The following SLC35D2 variants were observed in gnomAD, a reference collection of about 807,000 sequenced individuals.
The protein encoded by SLC35D2 is nucleotide sugar transporter SLC35D2.
In SLC35D2, 43 loss-of-function variants were observed where a neutral mutation model predicts 41.8. That is an observed-to-expected ratio of 1.03 (90% CI 0.81 to 1.33). The LOEUF (loss-of-function observed/expected upper bound fraction) is 1.33. Among genes scored for constraint, SLC35D2 ranks in the 40% most tolerant of loss-of-function variants. The pLI is 0.00. For missense variants in SLC35D2, 380 were observed against 408.4 expected, an observed-to-expected ratio of 0.93 and a Z score of 0.60; for synonymous variants, 150 against 163.9, an observed-to-expected ratio of 0.92 and a Z score of 0.65.
chr9:96,372,465 GA>G (rs1367176175), intron 1 of SLC35D2, among the ~76,000 whole-genome samples: 1 of 149,566 alleles, frequency 6.7e-6, no homozygotes, highest in African/African-American at 2.5e-5. Flanking sequence ...ATTGTGGGGA[GA>G]AAAGAAGAAA....
intron 1 of SLC35D2, among the ~76,000 whole-genome samples, chr9:96,373,093 T>A (rs904184288): frequency 1.3e-5 from 2 of 151,702 alleles, no homozygotes; most frequent in African/African-American, 4.8e-5. Flanking sequence ...AGAGATTGGG[T>A]TTCACCATGT....
chr9:96,352,094 G>A lies in SLC35D2; in HGVS notation c.363C>T (p.Thr121=), dbSNP rs529257968. Residue 121 remains threonine, a synonymous_variant, in exon 5 of 12, where the codon ACC becomes ACT. Coordinates refer to ENST00000253270, the MANE Select transcript of SLC35D2 (RefSeq NM_007001.3). ...GTGGAATGGTGAATTTCCTGAGCAC[G>A]GTGAACATCGGTAGGCTGCCAGGAA... ...STSKLSLPMF[T]VLRKFTIPLT... The A allele has an allele frequency of 1.2e-4, 188 of 1,611,438 alleles. 3 individuals are homozygous for A. The South Asian group carries it at 1.6e-3, about 14-fold the overall frequency.
At chr9:96,356,161 G>A (rs13296316) in intron 4 of SLC35D2, among the ~76,000 whole-genome samples, 8 of 152,274 alleles carry the variant, frequency 5.3e-5, no homozygotes, top group East Asian at 1.9e-4. Flanking sequence ...GGATCTCTGC[G>A]CGCACTGGCT....
At position 96,329,803 on chromosome 9, in the gene SLC35D2, G is replaced by A. The variant is rs917268911; in HGVS notation, c.753-5634C>T. ...GTGTTGTTAGGAATACAGTAAGAAGGAATGATATTTGGCTTCCTCAATAAA... is the reference window on the plus strand; with the variant it reads ...GTGTTGTTAGGAATACAGTAAGAAGAAATGATATTTGGCTTCCTCAATAAA... On this transcript the variant is annotated intron_variant, in intron 9 of 11. Transcript: ENST00000253270. 2.6e-5 allele frequency among the ~76,000 whole-genome samples: 4 copies of A among 152,246 alleles called. No individual in the cohort carries two copies. The East Asian group carries it at 7.7e-4, about 29-fold the overall frequency.
chr9:96,374,995 C>CTTTT (rs373967703), intron 1 of SLC35D2, among the ~76,000 whole-genome samples: 1 of 136,154 alleles, frequency 7.3e-6, no homozygotes, highest in Non-Finnish European at 1.6e-5. Flanking sequence ...TGTTTGAATT[C>CTTTT]TTTTTTTTTT....
At chr9:96,327,505 G>A (rs1384832454) in intron 9 of SLC35D2, among the ~76,000 whole-genome samples, 1 of 152,184 alleles carries the variant, frequency 6.6e-6, no homozygotes, top group African/African-American at 2.4e-5. Flanking sequence ...GCTGGGCTGA[G>A]CCAAGGGAGG....
chr9:96,383,267 T>C (rs534259710), intron 1 of SLC35D2, among the ~76,000 whole-genome samples: 4 of 152,060 alleles, frequency 2.6e-5, no homozygotes, highest in Middle Eastern at 3.4e-3. Context: ...GCAGGCGCGC[T>C]CAGGAAGAGA....
At chr9:96,323,226 T>C (rs1366817159) in intron 10 of SLC35D2, among the ~76,000 whole-genome samples, 1 of 152,118 alleles carries the variant, frequency 6.6e-6, no homozygotes, top group Non-Finnish European at 1.5e-5. Context: ...AAGCAGGCAG[T>C]GTTTTCACAC....
intron 8 of SLC35D2, among the ~76,000 whole-genome samples, chr9:96,339,460 CGGTATTAGT>C (rs1253276879): frequency 6.6e-6 from 1 of 151,748 alleles, no homozygotes; most frequent in Non-Finnish European, 1.5e-5. Flanking sequence ...AATGATGAGA[CGGTATTAGT>C]GGCATTTTTA....
intron 9 of SLC35D2, among the ~76,000 whole-genome samples, chr9:96,333,852 T>C (rs149451023): frequency 7.2e-5 from 11 of 152,266 alleles, no homozygotes; most frequent in Admixed American, 2.0e-4. Context: ...CTTTGAAACT[T>C]TGCTCTCCTG....
At position 96,324,142 on chromosome 9, in the gene SLC35D2, C is replaced by G. The variant is rs1314804712; in HGVS notation, c.780G>C (p.Leu260=). The change falls in exon 10 of 12, where the codon CTG becomes CTC. Residue 260 remains leucine, a synonymous_variant. Transcript: ENST00000253270. ...LGFLLMYSTV[L]CSYYNSALTT... is the part of the protein sequence containing the mutation. Reference sequence around the variant, plus strand: ...TCAGGGCTGAATTGTAATAGCTGCACAGAACCGTGGAGTACATCAGCAGAA... The same window carrying G: ...TCAGGGCTGAATTGTAATAGCTGCAGAGAACCGTGGAGTACATCAGCAGAA... 2 of 1,613,852 alleles carry G rather than the reference C, an allele frequency of 1.2e-6. No homozygotes were observed. The highest frequency in any genetic ancestry group is 2.7e-5 in the African/African-American group (2 of 74,900).
intron 1 of SLC35D2, among the ~76,000 whole-genome samples, chr9:96,382,196 G>C (rs1383321721): frequency 2.0e-5 from 3 of 151,838 alleles, no homozygotes; most frequent in Non-Finnish European, 2.9e-5. Context: ...GAAAGGTGAG[G>C]CTGGATGAGA....
At chr9:96,321,685 A>C (rs373055428) in intron 11 of SLC35D2, among the ~76,000 whole-genome samples, 1 of 152,146 alleles carries the variant, frequency 6.6e-6, no homozygotes, top group African/African-American at 2.4e-5. Flanking sequence ...CTGCATGCCG[A>C]GCCTAGTGGG....
chr9:96,327,661 G>A (rs11792848), intron 9 of SLC35D2, among the ~76,000 whole-genome samples: 40,418 of 148,256 alleles, frequency 0.27, 5,743 homozygotes, highest in East Asian at 0.56. Flanking sequence ...TCACTCTTTC[G>A]CCCAGGCTGG....
chr9:96,346,906 G>A (rs1160038061), intron 6 of SLC35D2, among the ~76,000 whole-genome samples: 1 of 152,066 alleles, frequency 6.6e-6, no homozygotes, highest in African/African-American at 2.4e-5. Flanking sequence ...GGAGGCCAAG[G>A]TGGGTGGATC....
chr9:96,359,037 G>C (rs1830156068), intron 4 of SLC35D2, among the ~76,000 whole-genome samples: 1 of 152,086 alleles, frequency 6.6e-6, no homozygotes, highest in Admixed American at 6.6e-5. Flanking sequence ...GGGTGCGGTG[G>C]CTCATGCCTG....
intron 9 of SLC35D2, among the ~76,000 whole-genome samples, chr9:96,333,558 G>A (rs1026750167): frequency 6.9e-6 from 1 of 144,094 alleles, no homozygotes; most frequent in Non-Finnish European, 1.5e-5. Flanking sequence ...TCGCGCCACC[G>A]CACTCCAGCC....
chr9:96,335,671 A>G (rs1158479822), intron 9 of SLC35D2, among the ~76,000 whole-genome samples: 1 of 152,104 alleles, frequency 6.6e-6, no homozygotes, highest in Non-Finnish European at 1.5e-5. Context: ...TGTATCACCT[A>G]TTCATGCAAA....
At chr9:96,313,910 G>C (rs919785670) in exon 12 of SLC35D2, 1 of 152,326 alleles carries the variant, frequency 6.6e-6, no homozygotes, top group Admixed American at 6.5e-5. Context: ...GGTAGAGCCT[G>C]CATCTAATGG....
Sources: allele counts gnomAD v4.1 joint callset (sites outside exome capture counted in the v4.1 genomes callset), GRCh38; gene constraint gnomAD v4.1.1; transcripts MANE v1.5; gene names NCBI Gene and HGNC (gene_info 2026-07-23, HGNC 2026-07-21).